DLGAP2: variants seen among roughly 807,000 people sequenced by gnomAD.
The protein encoded by DLGAP2 is DLG associated protein 2.
A neutral mutation model predicts 100.3 loss-of-function variants in DLGAP2; 26 were observed. The observed-to-expected ratio is 0.26, with a 90% CI of 0.19 to 0.36. The LOEUF is 0.36. Among genes scored for constraint, DLGAP2 ranks in the 10% least tolerant of loss-of-function variants. The pLI is 1.00. For synonymous variants in DLGAP2, 886 were observed against 630.1 expected (o/e 1.41, Z -6.08); for missense variants, 1,858 against 1,453.2 (o/e 1.28, Z -4.53).
At chr8:1,184,655 G>C (rs996944319) in intron 2 of DLGAP2, among the ~76,000 whole-genome samples, 1 of 152,194 alleles carries the variant, frequency 6.6e-6, no homozygotes, top group South Asian at 2.1e-4. Flanking sequence ...TCAGCAGGCA[G>C]CACCCTCGGA....
At chr8:796,582 T>G (rs1228391132) in intron 1 of DLGAP2, among the ~76,000 whole-genome samples, 1 of 152,144 alleles carries the variant, frequency 6.6e-6, no homozygotes, top group Non-Finnish European at 1.5e-5. Flanking sequence ...TTGGTCTGAG[T>G]GGATTCCTCC....
intron 4 of DLGAP2, among the ~76,000 whole-genome samples, chr8:1,507,742 C>T (rs1584965851): frequency 6.6e-6 from 1 of 152,074 alleles, no homozygotes; most frequent in East Asian, 1.9e-4. Flanking sequence ...CATTCGTTCA[C>T]CCAGGTCCTC....
At chr8:1,466,376 C>G (rs545992114) in intron 3 of DLGAP2, among the ~76,000 whole-genome samples, 4 of 152,246 alleles carry the variant, frequency 2.6e-5, no homozygotes, top group East Asian at 3.9e-4. Flanking sequence ...ACATTTCCCC[C>G]CTCCCTTTTC....
At chr8:1,210,513 G>C (rs1166353246) in intron 2 of DLGAP2, among the ~76,000 whole-genome samples, 1 of 152,218 alleles carries the variant, frequency 6.6e-6, no homozygotes, top group African/African-American at 2.4e-5. Context: ...GCTCAGCTCT[G>C]CTGAAACGTA....
chr8:1,696,164 A>G (rs1370322949), intron 13 of DLGAP2, among the ~76,000 whole-genome samples: 1 of 152,042 alleles, frequency 6.6e-6, no homozygotes, highest in African/African-American at 2.4e-5. Flanking sequence ...TTAAATCCCC[A>G]CTGAATCAAG....
At chr8:950,217 G>C (rs1328082023) in intron 2 of DLGAP2, among the ~76,000 whole-genome samples, 1 of 152,182 alleles carries the variant, frequency 6.6e-6, no homozygotes, top group Non-Finnish European at 1.5e-5. Context: ...GTGATCTCAA[G>C]ATGCAGCTTC....
chr8:1,279,452 G>A (rs967242286), intron 3 of DLGAP2, among the ~76,000 whole-genome samples: 5 of 152,164 alleles, frequency 3.3e-5, no homozygotes, highest in Admixed American at 2.0e-4. Context: ...GCTTCAAGGC[G>A]GAAATACATA....
At chr8:1,259,895 T>A (rs1799311797) in intron 3 of DLGAP2, 1 of 152,242 alleles carries the variant, frequency 6.6e-6, no homozygotes, top group Non-Finnish European at 1.5e-5. Flanking sequence ...GTTTTAAAAC[T>A]TTTTCCTGTG....
chr8:1,077,495 A>G (rs1803659958), intron 2 of DLGAP2, among the ~76,000 whole-genome samples: 1 of 152,184 alleles, frequency 6.6e-6, no homozygotes, highest in Non-Finnish European at 1.5e-5. Flanking sequence ...TTGGACTTTT[A>G]GGTGAACATC....
chr8:810,644 A>G (rs1171626019), intron 1 of DLGAP2, among the ~76,000 whole-genome samples: 1 of 152,234 alleles, frequency 6.6e-6, no homozygotes, highest in Admixed American at 6.5e-5. Flanking sequence ...AATCAACTAT[A>G]AAAAGGTGTA....
intron 2 of DLGAP2, among the ~76,000 whole-genome samples, chr8:1,191,468 C>G (rs2116730801): frequency 6.6e-6 from 1 of 152,306 alleles, no homozygotes; most frequent in East Asian, 1.9e-4. Context: ...CCGCGCCCAG[C>G]CGATACGTTT....
At chr8:1,327,702 G>C (rs1801053707) in intron 3 of DLGAP2, among the ~76,000 whole-genome samples, 1 of 151,936 alleles carries the variant, frequency 6.6e-6, no homozygotes. Context: ...AAACTATCCG[G>C]GCGTCGTGGC....
Position 1,447,751 on chromosome 8 carries a change from C to T in DLGAP2, c.107-53615C>T, listed in dbSNP as rs1366669542. ...TTGGTTGGTAAGCTATTGATTATTG[C>T]CACAATTTCAGAGCCTGTTACTGGT... is the stretch of plus-strand genomic sequence containing the variant. On this transcript the variant is annotated intron_variant, in intron 3 of 14. Coordinates refer to ENST00000637795, the MANE Select transcript of DLGAP2 (RefSeq NM_001346810.2). Among the ~76,000 whole-genome samples, 3 of 152,290 alleles carry T rather than the reference C, an allele frequency of 2.0e-5. No homozygotes were observed. The South Asian group carries it at 6.2e-4, about 32-fold the overall frequency.
chr8:877,222 G>A (rs1024593109), intron 1 of DLGAP2, among the ~76,000 whole-genome samples: 2 of 151,846 alleles, frequency 1.3e-5, no homozygotes, highest in Admixed American at 1.3e-4. Context: ...ATGATTTTTT[G>A]TCAGAAACTG....
At chr8:1,318,707 T>C (rs1800823339) in intron 3 of DLGAP2, among the ~76,000 whole-genome samples, 1 of 151,866 alleles carries the variant, frequency 6.6e-6, no homozygotes. Flanking sequence ...AAAATGAAAA[T>C]TGAGTGGTTC....
Position 1,389,510 on chromosome 8 carries a change from G to A in DLGAP2, c.107-111856G>A, listed in dbSNP as rs79456355. Among the ~76,000 whole-genome samples, 470 of 152,308 alleles carry A rather than the reference G, an allele frequency of 3.1e-3. 11 individuals carry two copies. In the East Asian group the frequency reaches 0.051, roughly 16 times the overall value. On this transcript the variant is annotated intron_variant, in intron 3 of 14. Coordinates refer to ENST00000637795, the MANE Select transcript of DLGAP2 (RefSeq NM_001346810.2). ...ACCCCGCTAAGGGCACTCAGAGCTGGAAGAGGTGTGGACGAGGCCGCTCGG... is the reference window on the plus strand; with the variant it reads ...ACCCCGCTAAGGGCACTCAGAGCTGAAAGAGGTGTGGACGAGGCCGCTCGG...
intron 2 of DLGAP2, among the ~76,000 whole-genome samples, chr8:1,228,598 A>G (rs1162672016): frequency 1.3e-5 from 2 of 152,212 alleles, no homozygotes; most frequent in Non-Finnish European, 2.9e-5. Context: ...AACATACCCA[A>G]CTAGATTTTT....
rs908947172 is a variant in DLGAP2 at position 793,038 on chromosome 8, C to T, written c.18+55213C>T. Among the ~76,000 whole-genome samples, 11 of 152,202 alleles carry T rather than the reference C, an allele frequency of 7.2e-5. 1 individual carries two copies. The East Asian group carries it at 7.7e-4, about 11-fold the overall frequency. ...AGAAGATTATTAGTTGACTTTGTTACGCATCAGCAGTCATTTCCCTTAGCT... is the reference window on the plus strand; with the variant it reads ...AGAAGATTATTAGTTGACTTTGTTATGCATCAGCAGTCATTTCCCTTAGCT... On this transcript the variant is annotated intron_variant, in intron 1 of 14. Transcript: ENST00000637795.
chr8:940,404 G>A (rs1339240706), intron 2 of DLGAP2, among the ~76,000 whole-genome samples: 2 of 152,028 alleles, frequency 1.3e-5, no homozygotes, highest in Non-Finnish European at 2.9e-5. Context: ...AAAGGGTGCT[G>A]AAGCCCAGGA....
Sources: allele counts gnomAD v4.1 joint callset (sites outside exome capture counted in the v4.1 genomes callset), GRCh38; gene constraint gnomAD v4.1.1; transcripts MANE v1.5; gene names NCBI Gene and HGNC (gene_info 2026-07-23, HGNC 2026-07-21).